The following DNAAF6 variants were observed in gnomAD, a reference collection of about 807,000 sequenced individuals.
DNAAF6 encodes the protein PIH1 domain containing 3.
DNAAF6 carries 3 observed loss-of-function variants against 13.7 expected under a neutral mutation model. That is an observed-to-expected ratio of 0.22 (90% CI 0.10 to 0.56). The LOEUF (loss-of-function observed/expected upper bound fraction) is 0.56, where lower values mean the gene tolerates loss of function less well. DNAAF6 is among the 20% of genes least tolerant of loss of function. The pLI, the probability that DNAAF6 is intolerant of heterozygous loss-of-function variation, is 0.92. For missense variants in DNAAF6, 130 were observed against 151.0 expected (o/e 0.86, Z 0.73); for synonymous variants, 54 against 49.2 (o/e 1.10, Z -0.41).
At chrX:107,210,747 C>T (rs374696936) in intron 1 of DNAAF6, among the ~76,000 whole-genome samples, 108 of 111,261 alleles carry the variant, frequency 9.7e-4, no homozygotes, top group African/African-American at 3.3e-3. Flanking sequence ...TTTTAAAAAT[C>T]GCTACACTGT....
intron 6 of DNAAF6, among the ~76,000 whole-genome samples, chrX:107,239,787 C>G (rs1158729856): frequency 1.8e-5 from 2 of 111,889 alleles, no homozygotes; most frequent in South Asian, 3.7e-4. Flanking sequence ...CAAATGTTTT[C>G]TTATTATTTA....
chrX:107,231,866 T>C (rs1033642079), intron 5 of DNAAF6, among the ~76,000 whole-genome samples: 12 of 111,519 alleles, frequency 1.1e-4, no homozygotes, highest in African/African-American at 3.9e-4. Flanking sequence ...TTTTTTTCTT[T>C]TTGTTTTTTG....
At chrX:107,220,390 T>C (rs555169518) in intron 4 of DNAAF6, among the ~76,000 whole-genome samples, 4 of 112,385 alleles carry the variant, frequency 3.6e-5, no homozygotes, top group African/African-American at 1.3e-4. Context: ...CTAACAAATG[T>C]CAAATATCCA....
chrX:107,233,296 AG>A (rs1928450483), intron 5 of DNAAF6, among the ~76,000 whole-genome samples: 1 of 111,596 alleles, frequency 9.0e-6, no homozygotes, highest in South Asian at 3.8e-4. Flanking sequence ...ACTACAGTCA[AG>A]CTAATTAATG....
At chrX:107,221,280 TG>T (rs1427554512) in intron 4 of DNAAF6, among the ~76,000 whole-genome samples, 1 of 110,140 alleles carries the variant, frequency 9.1e-6, no homozygotes, top group African/African-American at 3.3e-5. Flanking sequence ...CAACCAAATT[TG>T]TTTTTTTTCT....
At chrX:107,237,799 C>T (rs1241366638) in intron 5 of DNAAF6, among the ~76,000 whole-genome samples, 2 of 111,615 alleles carry the variant, frequency 1.8e-5, no homozygotes, top group Non-Finnish European at 1.9e-5. Context: ...CTGGCTAACA[C>T]GGGGAAACCC....
chrX:107,217,098 G>A (rs1210994965), intron 3 of DNAAF6, among the ~76,000 whole-genome samples: 1 of 111,144 alleles, frequency 9.0e-6, no homozygotes, highest in African/African-American at 3.3e-5. Flanking sequence ...AAATAATCAT[G>A]GAAATGATGA....
intron 5 of DNAAF6, among the ~76,000 whole-genome samples, chrX:107,233,712 T>C (rs990659658): frequency 4.5e-5 from 5 of 110,280 alleles, no homozygotes; most frequent in Non-Finnish European, 7.6e-5. Context: ...TGGCGCCAAC[T>C]GAGAAGACTA....
intron 5 of DNAAF6, 106 bp from the exon 6 acceptor site, chrX:107,238,803 GCATAGCCTGGCAC>G: frequency 9.4e-7 from 1 of 1,065,420 alleles, no homozygotes; most frequent in Non-Finnish European, 1.2e-6. Flanking sequence ...TAAAGATAGG[GCATAGCCTGGCAC>G]ATAGTTGACA....
At chrX:107,240,564 G>A (rs747613274) in intron 6 of DNAAF6, among the ~76,000 whole-genome samples, 26 of 111,795 alleles carry the variant, frequency 2.3e-4, no homozygotes, top group Non-Finnish European at 4.5e-4. Flanking sequence ...AGAAACAAGC[G>A]AATTTATTTT....
At chrX:107,222,421 CTT>C in intron 4 of DNAAF6, among the ~76,000 whole-genome samples, 1 of 111,624 alleles carries the variant, frequency 9.0e-6, no homozygotes, top group East Asian at 2.8e-4. Flanking sequence ...CAGGAACAGA[CTT>C]TCCTTTTTTT....
At chrX:107,223,233 G>A (rs925183283) in intron 5 of DNAAF6, among the ~76,000 whole-genome samples, 3 of 111,226 alleles carry the variant, frequency 2.7e-5, no homozygotes, top group Non-Finnish European at 5.7e-5. Context: ...CTCCTTCCCC[G>A]CATCTGTCTT....
At chrX:107,230,893 T>C (rs1163065333) in intron 5 of DNAAF6, among the ~76,000 whole-genome samples, 1 of 111,844 alleles carries the variant, frequency 8.9e-6, no homozygotes, top group Non-Finnish European at 1.9e-5. Flanking sequence ...TCCTTCAATA[T>C]GCCAAGTTAT....
intron 5 of DNAAF6, among the ~76,000 whole-genome samples, chrX:107,226,866 T>C (rs1411384978): frequency 1.8e-5 from 2 of 111,438 alleles, no homozygotes; most frequent in Admixed American, 9.5e-5. Flanking sequence ...TCTTCCCCCA[T>C]CTTTAAATCT....
At chrX:107,222,648 T>C in intron 4 of DNAAF6, 97 bp from the exon 5 acceptor site, 1 of 1,018,117 alleles carries the variant, frequency 9.8e-7, no homozygotes, top group Non-Finnish European at 1.3e-6. Flanking sequence ...CCTTTTATTT[T>C]ACCTAATAGC....
chrX:107,240,978 A>G (rs963467283), intron 6 of DNAAF6, among the ~76,000 whole-genome samples: 7 of 111,993 alleles, frequency 6.3e-5, no homozygotes, highest in African/African-American at 2.3e-4. Flanking sequence ...TCAAAGACTG[A>G]TAGCTAAAAA....
chrX:107,243,375 C>T lies in DNAAF6; in HGVS notation c.*77C>T. Reference sequence around the variant, plus strand: ...AAACTTTGAAAAAAATGATTGTTTTCTATATTCTCTTTATTATTCTGACAT... The same window carrying T: ...AAACTTTGAAAAAAATGATTGTTTTTTATATTCTCTTTATTATTCTGACAT... On this transcript the variant is annotated 3_prime_UTR_variant, in exon 7 of 7. Coordinates refer to ENST00000372453, the MANE Select transcript of DNAAF6 (RefSeq NM_173494.2). 9.1e-7 allele frequency: 1 copy of T among 1,104,413 alleles called. No individual in the cohort carries two copies. Among genetic ancestry groups the T allele is most frequent in the Non-Finnish European group, 1.2e-6 (1 of 828,885 alleles). The allele number at this position is 1,104,413 out of a possible 1,213,427, so 91.0% of individuals were successfully genotyped here.
At chrX:107,220,403 T>C (rs1318349643) in intron 4 of DNAAF6, among the ~76,000 whole-genome samples, 1 of 112,301 alleles carries the variant, frequency 8.9e-6, no homozygotes, top group Non-Finnish European at 1.9e-5. Flanking sequence ...AATATCCATA[T>C]GCAGCAAACT....
At chrX:107,220,939 CT>C in intron 4 of DNAAF6, among the ~76,000 whole-genome samples, 1 of 67,997 alleles carries the variant, frequency 1.5e-5, no homozygotes, top group Non-Finnish European at 2.7e-5. Flanking sequence ...TTCTTTCTTT[CT>C]TTCTTTCTTT....
Sources: allele counts gnomAD v4.1 joint callset (sites outside exome capture counted in the v4.1 genomes callset), GRCh38; gene constraint gnomAD v4.1.1; transcripts MANE v1.5; gene names NCBI Gene and HGNC (gene_info 2026-07-23, HGNC 2026-07-21).